Variants in ZNF536 observed in about 807,000 individuals in gnomAD.
ZNF536 encodes zinc finger protein 536.
Under a neutral mutation model 84.5 loss-of-function variants are expected in ZNF536, and 13 were observed. The ratio of observed to expected loss-of-function variants is 0.15; its 90% CI spans 0.10 to 0.24. The LOEUF is 0.24. Ranked by LOEUF, ZNF536 falls within the 10% of genes least tolerant of loss-of-function variation. The pLI is 1.00. For synonymous variants in ZNF536, 811 were observed against 742.5 expected (o/e 1.09, Z -1.50); for missense variants, 1,536 against 1,747.5 (o/e 0.88, Z 2.16).
intron 1 of ZNF536, among the ~76,000 whole-genome samples, chr19:30,646,679 C>G (rs979525521): frequency 6.6e-6 from 1 of 152,148 alleles, no homozygotes; most frequent in African/African-American, 2.4e-5. Flanking sequence ...GCTCTGCCCC[C>G]CTTTTGGTCG....
chr19:30,577,176 C>T (rs573795453), intron 1 of ZNF536, among the ~76,000 whole-genome samples: 1 of 152,208 alleles, frequency 6.6e-6, no homozygotes, highest in East Asian at 1.9e-4. Flanking sequence ...ACCAAAATAT[C>T]ACACATAGAA....
chr19:30,281,578 G>C (rs1423793047), intron 1 of ZNF536, among the ~76,000 whole-genome samples: 1 of 151,916 alleles, frequency 6.6e-6, no homozygotes, highest in African/African-American at 2.4e-5. Context: ...CACCACAGGT[G>C]CTGGGAAGGG....
chr19:30,591,051 T>C (rs904182799), intron 1 of ZNF536, among the ~76,000 whole-genome samples: 2 of 152,212 alleles, frequency 1.3e-5, no homozygotes, highest in Admixed American at 1.3e-4. Flanking sequence ...TCCCAGACTG[T>C]TGGATCAATG....
intron 1 of ZNF536, among the ~76,000 whole-genome samples, chr19:30,689,897 G>C (rs2051343005): frequency 6.6e-6 from 1 of 152,222 alleles, no homozygotes; most frequent in South Asian, 2.1e-4. Context: ...CTAGATACCA[G>C]AAAGTGAAAA....
Position 30,526,578 on chromosome 19 carries a change from G to T in ZNF536, c.2171-8269G>T, listed in dbSNP as rs191440657. ...TCTCTACTAAAAATACAAAAAATTAGCCGGGCGTAGTGGCGGGCGCCTGTA... is the reference window on the plus strand; with the variant it reads ...TCTCTACTAAAAATACAAAAAATTATCCGGGCGTAGTGGCGGGCGCCTGTA... On this transcript the variant is annotated intron_variant, in intron 2 of 4. Transcript: ENST00000355537. 4.5e-3 allele frequency among the ~76,000 whole-genome samples: 663 copies of T among 146,192 alleles called. 20 individuals carry two copies. The highest frequency in any genetic ancestry group is 0.015 in the African/African-American group (625 of 40,974).
At chr19:30,426,983 G>C (rs1433074) in intron 1 of ZNF536, among the ~76,000 whole-genome samples, 101,086 of 152,004 alleles carry the variant, frequency 0.67, 34,141 homozygotes, top group African/African-American at 0.77. Flanking sequence ...ATCCATCCAT[G>C]TATCCATCCA....
chr19:30,347,641 C>G (rs2047791070), intron 2 of ZNF536, among the ~76,000 whole-genome samples: 1 of 152,098 alleles, frequency 6.6e-6, no homozygotes, highest in South Asian at 2.1e-4. Context: ...CACTGCGGCC[C>G]CTGCTCCCGG....
chr19:30,481,368 C>G, intron 2 of ZNF536, among the ~76,000 whole-genome samples: 1 of 152,156 alleles, frequency 6.6e-6, no homozygotes, highest in Non-Finnish European at 1.5e-5. Flanking sequence ...CAGGCTTCTT[C>G]CCTGTCACTG....
chr19:30,622,383 C>G (rs935481648), intron 1 of ZNF536, among the ~76,000 whole-genome samples: 2 of 152,244 alleles, frequency 1.3e-5, no homozygotes, highest in African/African-American at 4.8e-5. Flanking sequence ...TGGGGGACAG[C>G]CTAATGCACC....
chr19:30,503,021 A>G (rs566695494), intron 2 of ZNF536, among the ~76,000 whole-genome samples: 2 of 152,328 alleles, frequency 1.3e-5, no homozygotes, highest in Admixed American at 6.5e-5. Context: ...TTCTAAGAGT[A>G]AAGGTTGACA....
chr19:30,226,595 G>T (rs979794470), upstream of ZNF536, among the ~76,000 whole-genome samples: 9 of 152,030 alleles, frequency 5.9e-5, no homozygotes, highest in Non-Finnish European at 1.0e-4. The surrounding 1 kb of genome is among the most constrained non-coding windows in gnomAD (Gnocchi z 4.6). Flanking sequence ...AGGCCGTGGC[G>T]CCTGCAAGCG....
At chr19:30,384,102 T>TCTC (rs1568377841) in intron 1 of ZNF536, among the ~76,000 whole-genome samples, 3 of 22,996 alleles carry the variant, frequency 1.3e-4, no homozygotes, top group African/African-American at 6.4e-4. Context: ...CTCTTTCTCT[T>TCTC]TCTTTCTTTC....
chr19:30,548,126 A>C lies in ZNF536; in HGVS notation c.2507A>C (p.Asp836Ala). ...SSKASLFIRP[D>A]ILRGAFKGLP... is the part of the protein sequence containing the mutation. ...AAAGCTTCTCTGTTCATCAGGCCAG[A>C]CATCCTGAGGGGGGCCTTCAAGGGT... The change falls in exon 4 of 5, where the codon GAC becomes GCC. Residue 836 changes from aspartate to alanine, a missense_variant. Around this residue, in one of 8 missense-constraint regions of ZNF536, gnomAD observed 624 missense variants for 603.1 expected, o/e 1.03. Transcript: ENST00000355537. 1 of 1,614,110 alleles carries C rather than the reference A, an allele frequency of 6.2e-7. No homozygotes were observed. Among genetic ancestry groups the C allele is most frequent in the African/African-American group, 1.3e-5 (1 of 75,066 alleles).
chr19:30,329,031 T>C (rs969331687), intron 2 of ZNF536, among the ~76,000 whole-genome samples: 1 of 152,240 alleles, frequency 6.6e-6, no homozygotes, highest in Non-Finnish European at 1.5e-5. Flanking sequence ...TGTTGGGTTT[T>C]GTTCAAACGG....
intron 2 of ZNF536, among the ~76,000 whole-genome samples, chr19:30,533,159 C>T (rs1288548297): frequency 6.6e-6 from 1 of 152,106 alleles, no homozygotes; most frequent in African/African-American, 2.4e-5. Flanking sequence ...GTACACAGTC[C>T]AACTGCAGAG....
In ZNF536 at chr19:30,536,472, CCAAA is replaced by C. The variant is rs543505268; in HGVS notation, c.2323+1476_2323+1479del. Among the ~76,000 whole-genome samples, 415 of 152,286 alleles carry C rather than the reference CCAAA, an allele frequency of 2.7e-3. 5 individuals are homozygous for C. The highest frequency in any genetic ancestry group is 9.8e-3 in the African/African-American group (406 of 41,556). On this transcript the variant is annotated intron_variant, in intron 3 of 4. Coordinates refer to ENST00000355537, the MANE Select transcript of ZNF536 (RefSeq NM_014717.3). Reference sequence around the variant, plus strand: ...GGCTCCATCGCTTATTTGTCTCCCACCAAACAGAGTCTAAGATTTGCACAGGTGG... The same window carrying C: ...GGCTCCATCGCTTATTTGTCTCCCACCAGAGTCTAAGATTTGCACAGGTGG...
chr19:30,522,256 TATATAC>T (rs1376991369), intron 2 of ZNF536, among the ~76,000 whole-genome samples: 1 of 118,674 alleles, frequency 8.4e-6, no homozygotes, highest in Non-Finnish European at 1.8e-5. Context: ...GAGCTGGATA[TATATAC>T]ATATATATAT....
rs187038258 is a variant in ZNF536, at chr19:30,410,261, G to A, written c.-2-33300G>A. Among the ~76,000 whole-genome samples the A allele has an allele frequency of 1.5e-3, 224 of 151,726 alleles. 2 individuals carry two copies. Among genetic ancestry groups the A allele is most frequent in the African/African-American group, 5.0e-3 (208 of 41,348 alleles). ...TTCTAATCCATTAAGTGCTTATTTT[G>A]ATGTATATCCTTAGGGTAAAATTTT... is the stretch of plus-strand genomic sequence containing the variant. On this transcript the variant is annotated intron_variant, in intron 1 of 4. Transcript: ENST00000355537.
At chr19:30,500,512 C>T (rs1356314036) in intron 2 of ZNF536, among the ~76,000 whole-genome samples, 1 of 152,068 alleles carries the variant, frequency 6.6e-6, no homozygotes, top group South Asian at 2.1e-4. Flanking sequence ...TAACCCCAGG[C>T]TCACTCCTGG....
Sources: gnomAD v4.1 joint callset for allele counts (sites outside exome capture counted in the v4.1 genomes callset) on GRCh38, gnomAD v4.1.1 for gene constraint, gnomAD v4.1.1 regional missense constraint, Gnocchi (gnomAD v3.1) non-coding constraint, MANE v1.5 for transcripts, NCBI Gene and HGNC (gene_info 2026-07-23, HGNC 2026-07-21) for gene names.